PUM2: variants seen among roughly 807,000 people sequenced by gnomAD.
PUM2 encodes the protein pumilio RNA binding family member 2.
PUM2 carries 57 observed loss-of-function variants against 124.5 expected under a neutral mutation model. The observed-to-expected ratio is 0.46, with a 90% CI of 0.37 to 0.57. The LOEUF is 0.57. PUM2 is among the 20% of genes least tolerant of loss of function. The pLI, the probability that PUM2 is intolerant of heterozygous loss-of-function variation, is 0.00. For missense variants in PUM2, 1,065 were observed against 1,290.6 expected, an observed-to-expected ratio of 0.83 and a Z score of 2.68; for synonymous variants, 460 against 446.1, an observed-to-expected ratio of 1.03 and a Z score of -0.39.
At position 20,250,534 on chromosome 2, in the gene PUM2, CA is replaced by C. The variant is rs545712762; in HGVS notation, c.*1050del. 15 of 152,336 alleles carry C rather than the reference CA, an allele frequency of 9.8e-5. No homozygotes were observed. The highest frequency in any genetic ancestry group is 3.4e-4 in the African/African-American group (14 of 41,556). The allele number at this position is 152,336 out of a possible 1,614,324, so 9.4% of individuals were successfully genotyped here. On this transcript the variant is annotated 3_prime_UTR_variant, in exon 21 of 21. Transcript: ENST00000361078. ...TAAACATTGAAACAAGATTTCCTTT[CA>C]AAGTGTAAACTTACATCTATTACTA...
At chr2:20,295,655 C>T (rs1384929663) in intron 8 of PUM2, among the ~76,000 whole-genome samples, 1 of 151,964 alleles carries the variant, frequency 6.6e-6, no homozygotes, top group Non-Finnish European at 1.5e-5. Context: ...AAAAAGGACA[C>T]ATTGTAAAAA....
intron 9 of PUM2, 57 bp downstream of exon 9, chr2:20,294,319 A>C: frequency 1.3e-6 from 2 of 1,566,982 alleles, no homozygotes; most frequent in Non-Finnish European, 1.7e-6. Flanking sequence ...CTTAAACATT[A>C]GGAGCTCAAA....
At chr2:20,320,965 A>C (rs1055487553) in intron 2 of PUM2, among the ~76,000 whole-genome samples, 3 of 152,232 alleles carry the variant, frequency 2.0e-5, no homozygotes, top group African/African-American at 7.2e-5. Flanking sequence ...TCTCAGTATC[A>C]AAATAATAAC....
chr2:20,269,286 C>T (rs185178024), intron 13 of PUM2, among the ~76,000 whole-genome samples: 8 of 152,126 alleles, frequency 5.3e-5, no homozygotes, highest in Admixed American at 1.3e-4. Flanking sequence ...CTGCAAGCTC[C>T]GCCTCCCAGG....
chr2:20,284,895 T>TA (rs1017712071), intron 10 of PUM2, among the ~76,000 whole-genome samples: 2 of 152,204 alleles, frequency 1.3e-5, no homozygotes, highest in Non-Finnish European at 2.9e-5. Flanking sequence ...GAATAAGCAT[T>TA]AGCACGCTGC....
At chr2:20,329,324 C>T (rs550908504) in intron 1 of PUM2, among the ~76,000 whole-genome samples, 41 of 149,740 alleles carry the variant, frequency 2.7e-4, no homozygotes, top group Middle Eastern at 3.5e-3. Flanking sequence ...CACAGCTACT[C>T]GGGAGGCTGA....
At chr2:20,273,455 A>C (rs1204789733) in intron 13 of PUM2, among the ~76,000 whole-genome samples, 2 of 152,188 alleles carry the variant, frequency 1.3e-5, no homozygotes, top group Middle Eastern at 3.2e-3. Flanking sequence ...AACTGGTGAA[A>C]ACTTTCTCAG....
intron 1 of PUM2, among the ~76,000 whole-genome samples, chr2:20,338,149 C>A (rs1278963037): frequency 2.6e-5 from 4 of 152,194 alleles, no homozygotes; most frequent in Non-Finnish European, 5.9e-5. Flanking sequence ...GTAATCCCAG[C>A]ACTTTAGGAG....
chr2:20,265,705 A>C (rs1334572825), intron 13 of PUM2, among the ~76,000 whole-genome samples: 3 of 152,226 alleles, frequency 2.0e-5, no homozygotes, highest in Non-Finnish European at 4.4e-5. Flanking sequence ...TTATGATAAA[A>C]ACCTACAGCA....
chr2:20,258,889 G>A (rs1016495547), intron 15 of PUM2, among the ~76,000 whole-genome samples: 5 of 150,192 alleles, frequency 3.3e-5, no homozygotes, highest in African/African-American at 9.8e-5. Flanking sequence ...GGATGGTCTC[G>A]ATCTCCTGAC....
intron 1 of PUM2, among the ~76,000 whole-genome samples, chr2:20,330,091 C>A (rs148691263): frequency 3.3e-5 from 5 of 151,178 alleles, no homozygotes; most frequent in Admixed American, 6.6e-5. Flanking sequence ...GAAAAAAAAA[C>A]AACATATTAC....
chr2:20,342,631 C>T (rs1455945076), intron 1 of PUM2, among the ~76,000 whole-genome samples: 1 of 152,056 alleles, frequency 6.6e-6, no homozygotes, highest in South Asian at 2.1e-4. Context: ...TCTAGGAAAA[C>T]CCTAACTTAC....
At chr2:20,293,413 A>C (rs995001018) in intron 9 of PUM2, among the ~76,000 whole-genome samples, 1 of 152,268 alleles carries the variant, frequency 6.6e-6, no homozygotes, top group Admixed American at 6.5e-5. Flanking sequence ...ATCTATGTAG[A>C]ATCAAAATAT....
At chr2:20,308,207 A>G in intron 6 of PUM2, 107 bp downstream of exon 6, 1 of 1,477,334 alleles carries the variant, frequency 6.8e-7, no homozygotes, top group Non-Finnish European at 9.1e-7. Context: ...TCAATAAAAC[A>G]TTTAGTACTC....
At position 20,249,887 on chromosome 2, in the gene PUM2, A is replaced by G. The variant is rs1278464923; in HGVS notation, c.*1698T>C. Reference sequence around the variant, plus strand: ...CAAAGGATTAAAAACGATTTTAATTATACACATATGGTCACAATTTTGCCT... The same window carrying G: ...CAAAGGATTAAAAACGATTTTAATTGTACACATATGGTCACAATTTTGCCT... On this transcript the variant is annotated 3_prime_UTR_variant, in exon 21 of 21. Transcript: ENST00000361078. 6.5e-6 allele frequency: 1 copy of G among 152,674 alleles called. No individual in the cohort carries two copies. The highest frequency in any genetic ancestry group is 2.4e-5 in the African/African-American group (1 of 41,466). 9.5% of individuals were successfully genotyped at this position (152,674 alleles called of 1,614,324 possible).
At chr2:20,278,855 A>C (rs2148837846) in intron 12 of PUM2, 36 bp from the exon 13 acceptor site, 1 of 1,493,106 alleles carries the variant, frequency 6.7e-7, no homozygotes, top group Non-Finnish European at 9.3e-7. Flanking sequence ...AATTACATAC[A>C]GTGTTAACTG....
At chr2:20,350,012 G>A (rs1688994102) in intron 1 of PUM2, among the ~76,000 whole-genome samples, 1 of 152,156 alleles carries the variant, frequency 6.6e-6, no homozygotes, top group South Asian at 2.1e-4. Context: ...AGTAGAAGCC[G>A]CTAATCTTGT....
intron 3 of PUM2, among the ~76,000 whole-genome samples, chr2:20,315,849 A>C (rs558109309): frequency 1.7e-4 from 25 of 151,410 alleles, no homozygotes; most frequent in African/African-American, 5.1e-4. Context: ...AAAAAAAAAA[A>C]AAAAAAAAAC....
intron 1 of PUM2, among the ~76,000 whole-genome samples, chr2:20,336,197 G>GTT (rs34568696): frequency 7.3e-5 from 11 of 150,686 alleles, no homozygotes; most frequent in Admixed American, 4.0e-4. Context: ...TTTTTTGTTT[G>GTT]TTTTTTTTTG....
Sources: allele counts gnomAD v4.1 joint callset (sites outside exome capture counted in the v4.1 genomes callset), GRCh38; gene constraint gnomAD v4.1.1; transcripts MANE v1.5; gene names NCBI Gene and HGNC (gene_info 2026-07-23, HGNC 2026-07-21).